The following CACNA2D1 variants were observed in gnomAD, a reference collection of about 807,000 sequenced individuals.
The protein encoded by CACNA2D1 is voltage-dependent calcium channel subunit alpha-2/delta-1.
In CACNA2D1, 53 loss-of-function variants were observed where a neutral mutation model predicts 171.5. The observed-to-expected ratio is 0.31, with a 90% CI of 0.25 to 0.39. The LOEUF (loss-of-function observed/expected upper bound fraction) is 0.39, where lower values mean the gene tolerates loss of function less well. Ranked by LOEUF, CACNA2D1 falls within the 10% of genes least tolerant of loss-of-function variation. The probability of loss-of-function intolerance (pLI) is 1.00; values close to 1 mark genes in which losing one functional copy is unlikely to be tolerated. For missense variants in CACNA2D1, 903 were observed against 1,299.8 expected, an observed-to-expected ratio of 0.69 and a Z score of 4.69; for synonymous variants, 442 against 443.1, an observed-to-expected ratio of 1.00 and a Z score of 0.03.
chr7:82,256,505 T>C (rs1400405527), intron 3 of CACNA2D1, among the ~76,000 whole-genome samples: 1 of 152,168 alleles, frequency 6.6e-6, no homozygotes, highest in Non-Finnish European at 1.5e-5. Flanking sequence ...AAATACTGGT[T>C]ATGAAGAGCA....
intron 6 of CACNA2D1, among the ~76,000 whole-genome samples, chr7:82,103,620 C>A (rs1157778247): frequency 6.6e-6 from 1 of 151,856 alleles, no homozygotes; most frequent in South Asian, 2.1e-4. Flanking sequence ...CAAGTTAATG[C>A]CAGTTATAAA....
intron 6 of CACNA2D1, among the ~76,000 whole-genome samples, chr7:82,109,025 G>T (rs942365998): frequency 2.6e-5 from 4 of 151,878 alleles, no homozygotes; most frequent in Admixed American, 2.6e-4. Flanking sequence ...CACTTAATCA[G>T]ATTTCTGGTT....
rs564997587 is a variant in CACNA2D1 at position 82,153,389 on chromosome 7, A to C, written c.355-16713T>G. On this transcript the variant is annotated intron_variant, in intron 4 of 38. Coordinates refer to ENST00000356860, the MANE Select transcript of CACNA2D1 (RefSeq NM_000722.4). Reference sequence around the variant, plus strand: ...GGTGGCAGATTATATATGATTAATAAAATATTTTTTAGATCTTATTTCTAA... The same window carrying C: ...GGTGGCAGATTATATATGATTAATACAATATTTTTTAGATCTTATTTCTAA... 9.2e-5 allele frequency among the ~76,000 whole-genome samples: 14 copies of C among 151,982 alleles called. 1 individual carries two copies. The South Asian group carries it at 2.9e-3, about 31-fold the overall frequency.
chr7:82,382,434 C>G (rs1823814043), intron 1 of CACNA2D1, among the ~76,000 whole-genome samples: 1 of 152,224 alleles, frequency 6.6e-6, no homozygotes, highest in Admixed American at 6.5e-5. Flanking sequence ...TGTTTCCCAG[C>G]AGTGATCTTG....
chr7:81,993,681 A>G (rs1443928011), intron 20 of CACNA2D1, among the ~76,000 whole-genome samples: 1 of 152,170 alleles, frequency 6.6e-6, no homozygotes, highest in East Asian at 1.9e-4. Flanking sequence ...ATACCAATAT[A>G]CATAGAAATC....
At chr7:82,233,866 T>G (rs1300259168) in intron 3 of CACNA2D1, among the ~76,000 whole-genome samples, 2 of 152,158 alleles carry the variant, frequency 1.3e-5, no homozygotes, top group Non-Finnish European at 2.9e-5. Flanking sequence ...CATGCTATTT[T>G]AGAAGGCAAT....
At chr7:82,025,512 A>G (rs1232583894) in intron 12 of CACNA2D1, among the ~76,000 whole-genome samples, 1 of 151,652 alleles carries the variant, frequency 6.6e-6, no homozygotes, top group African/African-American at 2.4e-5. Flanking sequence ...GTCTCCTGCA[A>G]TGTTACTGAA....
At chr7:82,306,957 A>G (rs1813815836) in intron 3 of CACNA2D1, among the ~76,000 whole-genome samples, 2 of 151,996 alleles carry the variant, frequency 1.3e-5, no homozygotes, top group South Asian at 4.1e-4. Context: ...AATTAAAATT[A>G]AAATCCTTTG....
At chr7:81,982,297 T>G (rs1796517704) in intron 24 of CACNA2D1, among the ~76,000 whole-genome samples, 1 of 152,062 alleles carries the variant, frequency 6.6e-6, no homozygotes, top group South Asian at 2.1e-4. Flanking sequence ...GCCCAGCAAA[T>G]TTTTGTATTT....
intron 1 of CACNA2D1, among the ~76,000 whole-genome samples, chr7:82,396,581 G>A (rs575180922): frequency 1.2e-3 from 176 of 152,210 alleles, no homozygotes; most frequent in Non-Finnish European, 9.6e-4. Flanking sequence ...ACTTCTTTAC[G>A]TCTAAATAGC....
chr7:82,117,661 GCCT>G (rs1183064398), intron 5 of CACNA2D1, among the ~76,000 whole-genome samples: 2 of 152,074 alleles, frequency 1.3e-5, no homozygotes, highest in African/African-American at 4.8e-5. Flanking sequence ...GGCAGCACAG[GCCT>G]GTAGTCACAG....
intron 3 of CACNA2D1, among the ~76,000 whole-genome samples, chr7:82,271,743 A>T (rs1183131001): frequency 6.6e-6 from 1 of 152,166 alleles, no homozygotes; most frequent in African/African-American, 2.4e-5. Flanking sequence ...AGTAAGGTAA[A>T]TGGCTAGACC....
intron 1 of CACNA2D1, among the ~76,000 whole-genome samples, chr7:82,383,355 G>C (rs1168400741): frequency 6.6e-6 from 1 of 152,140 alleles, no homozygotes; most frequent in Non-Finnish European, 1.5e-5. Flanking sequence ...ACTAAAAACT[G>C]CTTGCCATTC....
chr7:81,994,791 A>G, intron 20 of CACNA2D1, 77 bp downstream of exon 20: 1 of 784,312 alleles, frequency 1.3e-6, no homozygotes, highest in Non-Finnish European at 2.2e-6. Flanking sequence ...GGATTAATAG[A>G]AAAAAAGGAC....
At chr7:82,281,984 C>T (rs1415049934) in intron 3 of CACNA2D1, among the ~76,000 whole-genome samples, 1 of 152,046 alleles carries the variant, frequency 6.6e-6, no homozygotes, top group African/African-American at 2.4e-5. Context: ...AAGAAAAAAA[C>T]TCCATGTGCC....
At chr7:81,965,472 A>G (rs1442552223) in intron 32 of CACNA2D1, 122 bp downstream of exon 32, 7 of 723,482 alleles carry the variant, frequency 9.7e-6, no homozygotes, top group Non-Finnish European at 1.8e-5. Flanking sequence ...GCATTTTACA[A>G]ATTATTGTAT....
At chr7:82,132,051 T>C (rs542654768) in intron 5 of CACNA2D1, among the ~76,000 whole-genome samples, 3 of 152,310 alleles carry the variant, frequency 2.0e-5, no homozygotes, top group South Asian at 2.1e-4. Flanking sequence ...AAGTACAACA[T>C]GTATTTACAG....
chr7:82,266,846 A>G (rs1217564427), intron 3 of CACNA2D1, among the ~76,000 whole-genome samples: 1 of 152,090 alleles, frequency 6.6e-6, no homozygotes, highest in African/African-American at 2.4e-5. Context: ...AATGTGTTTG[A>G]CCTTTTCCTA....
chr7:81,974,460 G>A lies in CACNA2D1; in HGVS notation c.2048C>T (p.Pro683Leu). Residue 683 changes from proline to leucine, a missense_variant, in exon 25 of 39, where the codon CCA becomes CTA. By Grantham distance (98) the Pro-to-Leu change is moderately conservative (BLOSUM62 -3). Around this residue, in one of 5 missense-constraint regions of CACNA2D1, gnomAD observed 623 missense variants for 925.5 expected, o/e 0.67. Transcript: ENST00000356860. ...TTGAATTAATGCATACTTACATGAT[G>A]GGTTGTTTGGAGTTTTTCTATCAAT... ...EFIDRKTPNN[P>L]SCNADLINRV... 1 of 1,479,202 alleles carries A rather than the reference G, an allele frequency of 6.8e-7. No individual in the cohort carries two copies. Among genetic ancestry groups the A allele is most frequent in the Non-Finnish European group, 9.4e-7 (1 of 1,059,062 alleles). The allele number at this position is 1,479,202 out of a possible 1,614,324, so 91.6% of individuals were successfully genotyped here. A position where few individuals can be genotyped will look rare whatever the true frequency, so the allele number is the denominator to read the frequency against.
Sources: allele counts gnomAD v4.1 joint callset (sites outside exome capture counted in the v4.1 genomes callset), GRCh38; gene constraint gnomAD v4.1.1; regional missense constraint gnomAD v4.1.1; transcripts MANE v1.5; gene names NCBI Gene and HGNC (gene_info 2026-07-23, HGNC 2026-07-21).